Variants in MICALL2 observed in about 807,000 individuals in gnomAD.
MICALL2 encodes MICAL like 2, also known as MICAL-like protein 2.
A neutral mutation model predicts 91.1 loss-of-function variants in MICALL2; 111 were observed. The observed-to-expected ratio is 1.22, with a 90% confidence interval of 1.04 to 1.43. MICALL2 has a LOEUF of 1.43. MICALL2 is among the 40% of genes most tolerant of loss of function. The probability of loss-of-function intolerance (pLI) is 0.00; values close to 1 mark genes in which losing one functional copy is unlikely to be tolerated. For missense variants in MICALL2, 1,556 were observed against 1,236.0 expected, an observed-to-expected ratio of 1.26 and a Z score of -3.88; for synonymous variants, 694 against 525.3, an observed-to-expected ratio of 1.32 and a Z score of -4.39.
chr7:1,439,419 G>A (rs6962192), intron 9 of MICALL2: 8,596 of 216,488 alleles, frequency 0.04, 753 homozygotes, highest in African/African-American at 0.19. Flanking sequence ...GCACACACAT[G>A]CATCACACAG....
intron 15 of MICALL2, among the ~76,000 whole-genome samples, chr7:1,435,915 G>A (rs891719624): frequency 1.3e-5 from 2 of 151,992 alleles, no homozygotes; most frequent in Non-Finnish European, 2.9e-5. Context: ...AGCCGGGTGT[G>A]GTGGCGGGCG....
rs755561971 is a variant in MICALL2, at chr7:1,446,861, C to T, written c.526-33G>A. The stretch of plus-strand genomic sequence containing the variant: ...AGATGCCAGCACCTCTCTGAGCAGC[C>T]GTCCACCCAGCCCTCCCTCCTGGTG... On this transcript the variant is annotated intron_variant, in intron 4 of 16. Transcript: ENST00000297508. The T allele has an allele frequency of 1.5e-5, 22 of 1,453,168 alleles. 1 individual carries two copies. Among genetic ancestry groups the T allele is most frequent in the South Asian group, 2.6e-5 (2 of 76,426 alleles). The allele number at this position is 1,453,168 out of a possible 1,614,324, so 90.0% of individuals were successfully genotyped here. A position where few individuals can be genotyped will look rare whatever the true frequency, so the allele number is the denominator to read the frequency against.
In MICALL2 at chr7:1,434,637, T is replaced by C; in HGVS notation, c.2674A>G (p.Lys892Glu). The C allele has an allele frequency of 6.3e-7, 1 of 1,577,464 alleles. No individual in the cohort carries two copies. Among genetic ancestry groups the C allele is most frequent in the Non-Finnish European group, 8.6e-7 (1 of 1,165,698 alleles). The change falls in exon 17 of 17, where the codon AAG becomes GAG. Residue 892 changes from lysine to glutamate, a missense_variant. Coordinates refer to ENST00000297508, the MANE Select transcript of MICALL2 (RefSeq NM_182924.4). ...CTTTTGCTTTTTGGTGACCAGATCTTGGACAAGCGGAACTTGGACTTCTTC... is the reference window on the plus strand; with the variant it reads ...CTTTTGCTTTTTGGTGACCAGATCTCGGACAAGCGGAACTTGGACTTCTTC... The part of the protein sequence containing the change: ...QRKKSKFRLS[K>E]IWSPKSKSSP...
chr7:1,440,226 T>C (rs1333703187), intron 8 of MICALL2, 141 bp from the exon 9 acceptor site: 3 of 1,013,242 alleles, frequency 3.0e-6, no homozygotes, highest in East Asian at 2.6e-5. Context: ...GCCCACTGAC[T>C]ACACCTGCTG....
In MICALL2 at chr7:1,441,004, A is replaced by T. The variant is rs565255775; in HGVS notation, c.1712-320T>A. On this transcript the variant is annotated intron_variant, in intron 7 of 16. Transcript: ENST00000297508. ...TCCTCTGTCCACCTGTGCAAGGGGA[A>T]CACCTGAGCCACGGCTGCCCGTCTG... 144 of 366,910 alleles carry T rather than the reference A, an allele frequency of 3.9e-4. 1 individual carries two copies. The highest frequency in any genetic ancestry group is 2.6e-3 in the African/African-American group (125 of 48,252). 22.7% of individuals were successfully genotyped at this position (366,910 alleles called of 1,614,324 possible). A position where few individuals can be genotyped will look rare whatever the true frequency, so the allele number is the denominator to read the frequency against.
intron 3 of MICALL2, among the ~76,000 whole-genome samples, chr7:1,448,307 G>A (rs1199282048): frequency 6.6e-6 from 1 of 152,266 alleles, no homozygotes; most frequent in African/African-American, 2.4e-5. Flanking sequence ...GAGGGGCAGG[G>A]CGGCAGGAGC....
intron 5 of MICALL2, among the ~76,000 whole-genome samples, chr7:1,445,942 A>C (rs1023928389): frequency 1.5e-4 from 23 of 151,078 alleles, no homozygotes; most frequent in Non-Finnish European, 1.6e-4. Context: ...ACTGAGTACA[A>C]CACCAGTGGG....
In MICALL2 at chr7:1,451,825, C is replaced by T. The variant is rs1780841237; in HGVS notation, c.144-1537G>A. ...GAAGTGGGGGCCGAGACCCCTGTGG[C>T]CACGCAGCCTGGGCGGCCTAGTTCT... On this transcript the variant is annotated intron_variant, in intron 1 of 16. Coordinates refer to ENST00000297508, the MANE Select transcript of MICALL2 (RefSeq NM_182924.4). This position sits in a 1 kb window ranked among gnomAD's most constrained non-coding sequence, Gnocchi z 4.5. 6.6e-6 allele frequency among the ~76,000 whole-genome samples: 1 copy of T among 152,224 alleles called. No homozygotes were observed. Among genetic ancestry groups the T allele is most frequent in the Non-Finnish European group, 1.5e-5 (1 of 68,032 alleles).
chr7:1,454,089 A>G (rs559741079), intron 1 of MICALL2, among the ~76,000 whole-genome samples: 1 of 151,422 alleles, frequency 6.6e-6, no homozygotes, highest in Non-Finnish European at 1.5e-5. Flanking sequence ...GGCTCTTGGG[A>G]ATGTATACCC....
intron 16 of MICALL2, 106 bp downstream of exon 16, chr7:1,434,995 C>CA (rs1779895464): frequency 4.0e-6 from 2 of 494,620 alleles, no homozygotes; most frequent in Admixed American, 3.7e-5. Flanking sequence ...GCCCCCCCCC[C>CA]ACCCCCAGCT....
intron 10 of MICALL2, 127 bp downstream of exon 10, chr7:1,438,713 C>G: frequency 6.7e-7 from 1 of 1,490,446 alleles, no homozygotes; most frequent in South Asian, 1.4e-5. Context: ...CTGGGTCCTT[C>G]CTCCAGGCTT....
intron 14 of MICALL2, 85 bp downstream of exon 14, chr7:1,437,450 T>C (rs992750696): frequency 3.8e-5 from 47 of 1,232,398 alleles, no homozygotes; most frequent in Non-Finnish European, 4.8e-5. Context: ...GACAGTCAGG[T>C]GGCCTCACAG....
chr7:1,445,019 C>T lies in MICALL2; in HGVS notation c.1051G>A (p.Ala351Thr). ...TNSSPMGWSS[A>T]APCTAAAASH... is the part of the protein sequence containing the mutation. ...GCAGCCGCTGCTGTGCACGGGGCAG[C>T]TGACGACCAGCCCATCGGGGAGCTA... The change falls in exon 6 of 17, where the codon GCT (alanine) becomes ACT (threonine). Residue 351 changes from alanine (A) to threonine (T), a missense_variant. Physicochemically the swap from Ala to Thr is moderately conservative, Grantham distance 58. Transcript: ENST00000297508. The T allele has an allele frequency of 6.6e-7, 1 of 1,524,662 alleles. No homozygotes were observed. Among genetic ancestry groups the T allele is most frequent in the Non-Finnish European group, 8.8e-7 (1 of 1,134,280 alleles). 94.4% of individuals were successfully genotyped at this position (1,524,662 alleles called of 1,614,324 possible). A position where few individuals can be genotyped will look rare whatever the true frequency, so the allele number is the denominator to read the frequency against.
rs145721481 is a variant in MICALL2, at chr7:1,436,761, G to A, written c.2572C>T (p.Leu858=). 4.3e-3 allele frequency: 6,874 copies of A among 1,607,282 alleles called. 17 individuals carry two copies. The highest frequency in any genetic ancestry group is 5.3e-3 in the Non-Finnish European group (6,302 of 1,178,000). Residue 858 remains leucine (L), a synonymous_variant, in exon 15 of 17, where the codon CTG becomes TTG. Transcript: ENST00000297508. ...VNDRSDIVDS[L]DEDRLREQEE... ...CCTCACCGGAGCCGGTCCTCGTCCA[G>A]CGAGTCCACGATGTCACTGCGGTCG...
chr7:1,450,449 G>A lies in MICALL2; in HGVS notation c.144-161C>T, dbSNP rs921779631. On this transcript the variant is annotated intron_variant, in intron 1 of 16. Coordinates refer to ENST00000297508, the MANE Select transcript of MICALL2 (RefSeq NM_182924.4). Reference sequence around the variant, plus strand: ...GGACCACAGGTGGGCAGAGGCCAGGGCTCCCGGCCCTGCTCCGGCCACGGT... The same window carrying A: ...GGACCACAGGTGGGCAGAGGCCAGGACTCCCGGCCCTGCTCCGGCCACGGT... 4.6e-6 allele frequency: 3 copies of A among 656,774 alleles called. No homozygotes were observed. The African/African-American group carries it at 5.5e-5, about 12-fold the overall frequency. 40.7% of individuals were successfully genotyped at this position (656,774 alleles called of 1,614,324 possible).
At chr7:1,440,107 G>T (rs751392623) in intron 8 of MICALL2, 22 bp from the exon 9 acceptor site, 1 of 1,573,322 alleles carries the variant, frequency 6.4e-7, no homozygotes, top group Non-Finnish European at 8.5e-7. Context: ...GCATGAGGTC[G>T]GAACCCGAAC....
intron 1 of MICALL2, among the ~76,000 whole-genome samples, chr7:1,458,051 C>T (rs1040935880): frequency 4.6e-5 from 7 of 152,268 alleles, no homozygotes; most frequent in Admixed American, 6.5e-5. Flanking sequence ...GCTGCCCAAA[C>T]GCCAAATGGA....
intron 8 of MICALL2, 183 bp from the exon 9 acceptor site, chr7:1,440,268 T>G: frequency 1.4e-6 from 1 of 725,042 alleles, no homozygotes; most frequent in Non-Finnish European, 2.2e-6. Flanking sequence ...TGTCCATCGC[T>G]ACCTGCCGTG....
In MICALL2 at chr7:1,447,659, G is replaced by A. The variant is rs1268378082; in HGVS notation, c.441C>T (p.Ala147=). The A allele has an allele frequency of 6.3e-7, 1 of 1,589,160 alleles. No individual in the cohort carries two copies. The highest frequency in any genetic ancestry group is 1.3e-5 in the African/African-American group (1 of 74,568). Residue 147 remains alanine, a synonymous_variant, in exon 4 of 17, where the codon GCC becomes GCT. Coordinates refer to ENST00000297508, the MANE Select transcript of MICALL2 (RefSeq NM_182924.4). The part of the protein sequence containing the change: ...QAAKLPSPAP[A]RKPPLSPAQT... The stretch of plus-strand genomic sequence containing the variant: ...GGGCTGGAGATAGTGGAGGCTTCCG[G>A]GCTGGGGCGGGCGAGGGCAGCTTGG...
Sources: gnomAD v4.1 joint callset for allele counts (sites outside exome capture counted in the v4.1 genomes callset) on GRCh38, gnomAD v4.1.1 for gene constraint, Gnocchi (gnomAD v3.1) non-coding constraint, MANE v1.5 for transcripts, NCBI Gene and HGNC (gene_info 2026-07-23, HGNC 2026-07-21) for gene names.